ZNF469: variants seen among roughly 807,000 people sequenced by gnomAD.
ZNF469 encodes the protein zinc finger protein 469.
ZNF469 carries 1 observed loss-of-function variant against 1.0 expected under a neutral mutation model. The ratio of observed to expected loss-of-function variants is 1.00; its 90% confidence interval spans 0.35 to 4.73. The LOEUF (loss-of-function observed/expected upper bound fraction) is 4.73, where lower values mean the gene tolerates loss of function less well. Among genes scored for constraint, ZNF469 ranks in the 30% most tolerant of loss-of-function variants. The pLI is 0.16. For synonymous variants in ZNF469, 2,703 were observed against 2,363.4 expected (o/e 1.14, Z -4.17); for missense variants, 6,100 against 5,356.3 (o/e 1.14, Z -4.33).
chr16:88,276,153 G>A, the ZNF469 span, among the ~76,000 whole-genome samples: 1 of 152,202 alleles, frequency 6.6e-6, no homozygotes, highest in African/African-American at 2.4e-5. Flanking sequence ...TGGGGGTGGG[G>A]GATGGGGTGA....
At chr16:88,294,009 T>G in the ZNF469 span, among the ~76,000 whole-genome samples, 1 of 152,300 alleles carries the variant, frequency 6.6e-6, no homozygotes, top group Non-Finnish European at 1.5e-5. Flanking sequence ...TCTGCCCAGC[T>G]CCGAGTGCCA....
At chr16:88,163,891 GATGA>G in the ZNF469 span, among the ~76,000 whole-genome samples, 19 of 76,714 alleles carry the variant, frequency 2.5e-4, no homozygotes, top group East Asian at 4.6e-3. Context: ...TGGATGGGTA[GATGA>G]ATGGATGGAT....
chr16:88,437,829 G>GCGGAGGC lies in ZNF469; in HGVS notation c.10363_10369dup (p.Gly3457GlufsTer48). The GCGGAGGC allele has an allele frequency of 6.5e-7, 1 of 1,541,872 alleles. No individual in the cohort carries two copies. The highest frequency in any genetic ancestry group is 8.8e-7 in the Non-Finnish European group (1 of 1,140,666). ...GGCAGCCCTTCGCGTTCCGCGGCGT[G>GCGGAGGC]CGGAGGCCGGGAGCGCCGGGACAGA... On this transcript the variant is annotated frameshift_variant, in exon 3 of 3. Coordinates refer to ENST00000565624, the MANE Select transcript of ZNF469 (RefSeq NM_001367624.2). LOFTEE classifies it low-confidence loss of function (END_TRUNC).
At chr16:88,369,334 C>A in the ZNF469 span, among the ~76,000 whole-genome samples, 1 of 152,188 alleles carries the variant, frequency 6.6e-6, no homozygotes, top group Non-Finnish European at 1.5e-5. Flanking sequence ...CATGCAAATC[C>A]ACCTGTTGGG....
At chr16:88,324,314 C>T in the ZNF469 span, among the ~76,000 whole-genome samples, 38 of 152,160 alleles carry the variant, frequency 2.5e-4, no homozygotes, top group African/African-American at 7.0e-4. Context: ...AAGGCAGAGA[C>T]GCAGACCCCC....
chr16:88,264,755 C>T, the ZNF469 span, among the ~76,000 whole-genome samples: 2 of 152,106 alleles, frequency 1.3e-5, no homozygotes, highest in African/African-American at 2.4e-5. Context: ...CAGTCCTGCT[C>T]GTCCCACACC....
At chr16:88,128,684 C>T in the ZNF469 span, among the ~76,000 whole-genome samples, 5 of 152,368 alleles carry the variant, frequency 3.3e-5, no homozygotes, top group African/African-American at 7.2e-5. Flanking sequence ...CTCCCCATGA[C>T]GCTTTGGTCA....
At chr16:88,358,287 G>A in the ZNF469 span, among the ~76,000 whole-genome samples, 2 of 152,226 alleles carry the variant, frequency 1.3e-5, no homozygotes, top group African/African-American at 2.4e-5. Flanking sequence ...CCCGCAGCTG[G>A]AAGGTCCACA....
the ZNF469 span, among the ~76,000 whole-genome samples, chr16:88,141,383 G>C: frequency 1.3e-5 from 2 of 148,252 alleles, no homozygotes; most frequent in African/African-American, 2.5e-5. Flanking sequence ...CCCCCGTCCT[G>C]GTCCCCGGAG....
the ZNF469 span, among the ~76,000 whole-genome samples, chr16:88,363,533 G>A: frequency 1.3e-5 from 2 of 152,236 alleles, no homozygotes; most frequent in African/African-American, 4.8e-5. Flanking sequence ...TCAGCCAGAT[G>A]TCCTGGCAAA....
chr16:88,322,832 T>TG, the ZNF469 span, among the ~76,000 whole-genome samples: 2 of 152,108 alleles, frequency 1.3e-5, no homozygotes, highest in Admixed American at 1.3e-4. Flanking sequence ...GCCCAGGACT[T>TG]GGGGGCCAGG....
the ZNF469 span, among the ~76,000 whole-genome samples, chr16:88,181,116 G>A: frequency 1.3e-5 from 2 of 151,156 alleles, no homozygotes; most frequent in African/African-American, 4.9e-5. Context: ...TGTCGCCCAG[G>A]CTGGAGTGCA....
At chr16:88,276,424 C>G in the ZNF469 span, 1 of 152,190 alleles carries the variant, frequency 6.6e-6, no homozygotes, top group Non-Finnish European at 1.5e-5. Context: ...CTGGTTTCCC[C>G]AGCACCCCCG....
chr16:88,276,368 C>T, the ZNF469 span: 2 of 152,252 alleles, frequency 1.3e-5, no homozygotes, highest in Non-Finnish European at 2.9e-5. Context: ...TGGCCCCTCT[C>T]CTCCACGGGG....
At chr16:88,160,959 A>G in the ZNF469 span, among the ~76,000 whole-genome samples, 1 of 152,234 alleles carries the variant, frequency 6.6e-6, no homozygotes, top group Admixed American at 6.5e-5. Flanking sequence ...CCTGGCCAAC[A>G]TGGCAAAACA....
In ZNF469 at chr16:88,428,656, G is replaced by T; in HGVS notation, c.1186G>T (p.Gly396Trp). The change falls in exon 3 of 3, where the codon GGG becomes TGG. Residue 396 changes from glycine to tryptophan, a missense_variant. Physicochemically the swap from Gly to Trp is radical, Grantham distance 184 (BLOSUM62 -2). Coordinates refer to ENST00000565624, the MANE Select transcript of ZNF469 (RefSeq NM_001367624.2). ...CCAGGATGGGCTGGGGAGCACGAGA[G>T]GGCCCCCTAGCTCCCTACCCCAGAG... The part of the protein sequence containing the change: ...SAQDGLGSTR[G>W]PPSSLPQRHF... 6.5e-7 allele frequency: 1 copy of T among 1,550,092 alleles called. No individual in the cohort carries two copies. Among genetic ancestry groups the T allele is most frequent in the Non-Finnish European group, 8.7e-7 (1 of 1,146,846 alleles).
At chr16:88,262,917 C>T in the ZNF469 span, among the ~76,000 whole-genome samples, 2 of 152,234 alleles carry the variant, frequency 1.3e-5, no homozygotes, top group Non-Finnish European at 2.9e-5. This position sits in a 1 kb window ranked among gnomAD's most constrained non-coding sequence, Gnocchi z 4.3. Flanking sequence ...CAGCCTCCTA[C>T]GGATGAGCTC....
chr16:88,217,456 T>G, the ZNF469 span, among the ~76,000 whole-genome samples: 1,737 of 152,134 alleles, frequency 0.011, 24 homozygotes, highest in African/African-American at 0.039. Context: ...TTATTATTAT[T>G]ATACTTTAAG....
intron 1 of ZNF469, among the ~76,000 whole-genome samples, chr16:88,409,884 GCGC>G (rs1356250072): frequency 2.9e-4 from 39 of 136,614 alleles, no homozygotes; most frequent in African/African-American, 1.1e-3. Flanking sequence ...GGGGGGGGGG[GCGC>G]GGGGCGTTCC....
Sources: allele counts gnomAD v4.1 joint callset (sites outside exome capture counted in the v4.1 genomes callset), GRCh38; gene constraint gnomAD v4.1.1; non-coding constraint Gnocchi (gnomAD v3.1); transcripts MANE v1.5; gene names NCBI Gene and HGNC (gene_info 2026-07-23, HGNC 2026-07-21).